Variants in FSTL5 observed in about 807,000 individuals in gnomAD.
FSTL5 encodes the protein follistatin-related protein 5.
A neutral mutation model predicts 89.1 loss-of-function variants in FSTL5; 62 were observed. The observed-to-expected ratio is 0.70, with a 90% CI of 0.57 to 0.86. The LOEUF is 0.86. Ranked by LOEUF, FSTL5 falls within the 40% of genes least tolerant of loss-of-function variation. FSTL5 has a pLI of 0.00. For synonymous variants in FSTL5, 383 were observed against 346.2 expected (o/e 1.11, Z -1.18); for missense variants, 1,057 against 1,001.6 (o/e 1.06, Z -0.75).
intron 6 of FSTL5, among the ~76,000 whole-genome samples, chr4:161,707,540 A>G (rs1305245455): frequency 1.3e-5 from 2 of 151,962 alleles, no homozygotes; most frequent in African/African-American, 4.8e-5. Flanking sequence ...ATACTTCTAT[A>G]TAAGTTAACA....
intron 3 of FSTL5, among the ~76,000 whole-genome samples, chr4:161,990,572 ATTACG>A (rs1736083356): frequency 6.6e-6 from 1 of 152,132 alleles, no homozygotes; most frequent in Non-Finnish European, 1.5e-5. Flanking sequence ...ATGCACATAA[ATTACG>A]TTACCATTAT....
rs1336884500 is a variant in FSTL5, at chr4:161,863,171, A to T, written c.409+57233T>A. On this transcript the variant is annotated intron_variant, in intron 4 of 15. Coordinates refer to ENST00000306100, the MANE Select transcript of FSTL5 (RefSeq NM_020116.5). ...TTGTTAACAGGTATGAAGCAAGAAC[A>T]ATACAAGTGTAGTGTTAGGAAATTT... Among the ~76,000 whole-genome samples, 2 of 152,216 alleles carry T rather than the reference A, an allele frequency of 1.3e-5. 1 individual carries two copies. The highest frequency in any genetic ancestry group is 2.9e-5 in the Non-Finnish European group (2 of 68,040).
At chr4:161,982,959 A>G (rs1458722779) in intron 3 of FSTL5, among the ~76,000 whole-genome samples, 1 of 152,186 alleles carries the variant, frequency 6.6e-6, no homozygotes, top group Non-Finnish European at 1.5e-5. Flanking sequence ...CTTCTACAAT[A>G]TTATCATATT....
At chr4:161,918,364 G>T (rs775283330) in intron 4 of FSTL5, among the ~76,000 whole-genome samples, 2 of 152,002 alleles carry the variant, frequency 1.3e-5, no homozygotes, top group African/African-American at 4.8e-5. Context: ...TGGAAAATAC[G>T]CTAAACTTTG....
chr4:161,718,604 A>G (rs369398536), intron 6 of FSTL5, among the ~76,000 whole-genome samples: 19 of 151,984 alleles, frequency 1.3e-4, no homozygotes, highest in East Asian at 7.8e-4. Flanking sequence ...ACTTTTTTGT[A>G]TTTTTAGTAG....
intron 7 of FSTL5, among the ~76,000 whole-genome samples, chr4:161,643,467 C>T (rs145251455): frequency 2.4e-4 from 33 of 139,288 alleles, no homozygotes; most frequent in African/African-American, 6.7e-4. Flanking sequence ...TTAAATGTAA[C>T]GGAGTTTTTT....
chr4:161,843,153 T>C (rs1731264203), intron 4 of FSTL5, among the ~76,000 whole-genome samples: 1 of 152,200 alleles, frequency 6.6e-6, no homozygotes, highest in Non-Finnish European at 1.5e-5. Context: ...ATTGTTATGC[T>C]ACTTATTCTC....
chr4:161,912,188 G>T (rs1390452005), intron 4 of FSTL5, among the ~76,000 whole-genome samples: 1 of 152,130 alleles, frequency 6.6e-6, no homozygotes, highest in Non-Finnish European at 1.5e-5. Context: ...TTGAAAAATA[G>T]TTGTAAAAAG....
chr4:161,534,253 T>C (rs777894505), intron 10 of FSTL5, among the ~76,000 whole-genome samples: 1 of 152,016 alleles, frequency 6.6e-6, no homozygotes, highest in African/African-American at 2.4e-5. Flanking sequence ...GAGAAAGAAA[T>C]AAAAGACATC....
At chr4:161,886,250 A>G (rs570821317) in intron 4 of FSTL5, among the ~76,000 whole-genome samples, 1 of 152,348 alleles carries the variant, frequency 6.6e-6, no homozygotes, top group African/African-American at 2.4e-5. Flanking sequence ...CTGGGAGGTC[A>G]GTGAAGCCCT....
At chr4:161,491,925 T>C (rs1383839474) in intron 12 of FSTL5, among the ~76,000 whole-genome samples, 3 of 151,934 alleles carry the variant, frequency 2.0e-5, no homozygotes, top group Non-Finnish European at 4.4e-5. Context: ...TTTCAGGCAA[T>C]ATAGTTCTGC....
At chr4:161,480,391 C>T (rs1407010666) in intron 13 of FSTL5, among the ~76,000 whole-genome samples, 1 of 152,164 alleles carries the variant, frequency 6.6e-6, no homozygotes, top group Non-Finnish European at 1.5e-5. Context: ...TGGACACCAA[C>T]CCTGTACTTC....
intron 4 of FSTL5, among the ~76,000 whole-genome samples, chr4:161,852,741 G>A (rs1302096840): frequency 6.6e-6 from 1 of 152,142 alleles, no homozygotes; most frequent in Non-Finnish European, 1.5e-5. Context: ...ACTAGATAAA[G>A]AAAATGTCAT....
intron 10 of FSTL5, among the ~76,000 whole-genome samples, chr4:161,537,086 A>G (rs1052668235): frequency 1.3e-5 from 2 of 152,146 alleles, no homozygotes; most frequent in African/African-American, 4.8e-5. Context: ...AGACAAAATG[A>G]AGATAATGAT....
chr4:161,980,273 G>T (rs202149624), intron 3 of FSTL5, among the ~76,000 whole-genome samples: 2 of 87,954 alleles, frequency 2.3e-5, no homozygotes, highest in Non-Finnish European at 4.5e-5. Context: ...AAGAAAGAAA[G>T]AAAGAAAGAA....
At chr4:161,649,406 A>G (rs1347928917) in intron 7 of FSTL5, among the ~76,000 whole-genome samples, 1 of 152,228 alleles carries the variant, frequency 6.6e-6, no homozygotes, top group Non-Finnish European at 1.5e-5. Flanking sequence ...TTCAGCATAA[A>G]AACACATCAA....
chr4:161,908,609 A>T (rs1733603768), intron 4 of FSTL5, among the ~76,000 whole-genome samples: 1 of 152,112 alleles, frequency 6.6e-6, no homozygotes, highest in African/African-American at 2.4e-5. Flanking sequence ...TACAAATATC[A>T]CATTGGCTAA....
At chr4:161,709,640 C>T (rs1738706814) in intron 6 of FSTL5, among the ~76,000 whole-genome samples, 1 of 151,850 alleles carries the variant, frequency 6.6e-6, no homozygotes, top group Non-Finnish European at 1.5e-5. Flanking sequence ...TCTACAAAAA[C>T]AAAAAATTAG....
rs186079454 is a variant in FSTL5, at chr4:161,707,817, G to T, written c.728-51323C>A. ...GAAGAAAACAAAACTAACAGAATTT[G>T]GTCTCTGGATAATGTGTTCATTTCA... On this transcript the variant is annotated intron_variant, in intron 6 of 15. Coordinates refer to ENST00000306100, the MANE Select transcript of FSTL5 (RefSeq NM_020116.5). Among the ~76,000 whole-genome samples, 11 of 151,912 alleles carry T rather than the reference G, an allele frequency of 7.2e-5. 1 individual carries two copies.
Sources: allele counts gnomAD v4.1 joint callset (sites outside exome capture counted in the v4.1 genomes callset), GRCh38; gene constraint gnomAD v4.1.1; transcripts MANE v1.5; gene names NCBI Gene and HGNC (gene_info 2026-07-23, HGNC 2026-07-21).